Variants in RAB8B observed in about 807,000 individuals in gnomAD.
RAB8B encodes RAB8B, member RAS oncogene family.
Under a neutral mutation model 32.0 loss-of-function variants are expected in RAB8B, and 11 were observed. The observed-to-expected ratio is 0.34, with a 90% CI of 0.22 to 0.57. The LOEUF is 0.57. Ranked by LOEUF, RAB8B falls within the 20% of genes least tolerant of loss-of-function variation. The pLI is 0.86. For synonymous variants in RAB8B, 103 were observed against 89.6 expected, an observed-to-expected ratio of 1.15 and a Z score of -0.85; for missense variants, 190 against 258.5, an observed-to-expected ratio of 0.73 and a Z score of 1.82.
At chr15:63,213,051 C>T (rs1323901971) in intron 1 of RAB8B, among the ~76,000 whole-genome samples, 2 of 152,180 alleles carry the variant, frequency 1.3e-5, no homozygotes, top group Non-Finnish European at 2.9e-5. Flanking sequence ...CCCTCTCTTC[C>T]TCCCTTCTTT....
chr15:63,202,264 C>T (rs866724292), intron 1 of RAB8B, among the ~76,000 whole-genome samples: 17 of 144,628 alleles, frequency 1.2e-4, no homozygotes, highest in African/African-American at 3.6e-4. Context: ...GGCGACAGAG[C>T]GAGACTCCGT....
intron 7 of RAB8B, 114 bp downstream of exon 7, chr15:63,262,856 A>G (rs1454323057): frequency 1.2e-5 from 4 of 333,154 alleles, no homozygotes; most frequent in Non-Finnish European, 2.1e-5. Context: ...CCTGACTCAG[A>G]TACTCATTTG....
Position 63,248,117 on chromosome 15 carries a change from T to A in RAB8B, c.186-1528T>A, listed in dbSNP as rs1336418243. 6.6e-6 allele frequency among the ~76,000 whole-genome samples: 1 copy of A among 152,234 alleles called. No individual in the cohort carries two copies. Among genetic ancestry groups the A allele is most frequent in the Non-Finnish European group, 1.5e-5 (1 of 68,036 alleles). On this transcript the variant is annotated intron_variant, in intron 2 of 7. Transcript: ENST00000321437. The surrounding 1 kb of genome is among the most constrained non-coding windows in gnomAD (Gnocchi z 4.4). The stretch of plus-strand genomic sequence containing the variant: ...AGCGGTGCAGCAAACAAGTGCCCCA[T>A]GCATCTAATGCCGATCAAAGAAAAT...
Position 63,223,932 on chromosome 15 carries a change from A to G in RAB8B, c.125-20824A>G, listed in dbSNP as rs1232279478. The G allele has an allele frequency of 1.1e-5, 4 of 367,152 alleles. No individual in the cohort carries two copies. The East Asian group carries it at 2.2e-4, about 20-fold the overall frequency. 22.7% of individuals were successfully genotyped at this position (367,152 alleles called of 1,614,324 possible). On this transcript the variant is annotated intron_variant, in intron 1 of 7. Coordinates refer to ENST00000321437, the MANE Select transcript of RAB8B (RefSeq NM_016530.3). ...AATGAAGCAGTGTGATGTAGTGGAC[A>G]GAGTATTGGATTTGGAATCACTGTC...
At chr15:63,255,692 C>A in intron 4 of RAB8B, 108 bp downstream of exon 4, 2 of 842,918 alleles carry the variant, frequency 2.4e-6, no homozygotes, top group Non-Finnish European at 3.9e-6. Context: ...AGGGCATGGG[C>A]AGGTTGGGCC....
At chr15:63,251,476 A>G (rs187595150) in intron 3 of RAB8B, 265 of 344,094 alleles carry the variant, frequency 7.7e-4, no homozygotes, top group Admixed American at 2.6e-3. Flanking sequence ...TTAGAATATA[A>G]GAGTAAATGT....
chr15:63,253,788 T>C, intron 3 of RAB8B, among the ~76,000 whole-genome samples: 1 of 152,192 alleles, frequency 6.6e-6, no homozygotes, highest in East Asian at 1.9e-4. Flanking sequence ...GATTCTGGAA[T>C]ATTTAGGACA....
chr15:63,223,304 G>T (rs56068040), intron 1 of RAB8B, among the ~76,000 whole-genome samples: 57,781 of 151,692 alleles, frequency 0.38, 12,377 homozygotes, highest in Non-Finnish European at 0.5. Flanking sequence ...TAGAGACGGG[G>T]TTTCACTGTA....
At chr15:63,214,998 A>G (rs1045208821) in intron 1 of RAB8B, among the ~76,000 whole-genome samples, 8 of 152,160 alleles carry the variant, frequency 5.3e-5, no homozygotes, top group Non-Finnish European at 7.4e-5. Flanking sequence ...CAATCTTCAC[A>G]GGTTTCTGAT....
chr15:63,219,392 A>G (rs1051745253), intron 1 of RAB8B, among the ~76,000 whole-genome samples: 10 of 151,918 alleles, frequency 6.6e-5, no homozygotes, highest in South Asian at 6.2e-4. Context: ...AATGTTTTCA[A>G]TATGGGTTGC....
At chr15:63,204,689 C>T (rs1197807952) in intron 1 of RAB8B, among the ~76,000 whole-genome samples, 1 of 152,140 alleles carries the variant, frequency 6.6e-6, no homozygotes, top group Non-Finnish European at 1.5e-5. Context: ...GTTTTTCTTT[C>T]CCTAATAATC....
chr15:63,236,935 C>G (rs538602022), intron 1 of RAB8B, among the ~76,000 whole-genome samples: 2 of 152,304 alleles, frequency 1.3e-5, no homozygotes, highest in Admixed American at 6.5e-5. Flanking sequence ...TTCTTCTACT[C>G]TCTATCTCCA....
intron 1 of RAB8B, among the ~76,000 whole-genome samples, chr15:63,192,999 G>C (rs1208103404): frequency 6.6e-6 from 1 of 151,954 alleles, no homozygotes; most frequent in East Asian, 1.9e-4. Flanking sequence ...GAGGCAGGAA[G>C]ATCACTTGAG....
intron 6 of RAB8B, among the ~76,000 whole-genome samples, chr15:63,260,999 A>C (rs1471091000): frequency 6.6e-6 from 1 of 152,216 alleles, no homozygotes; most frequent in East Asian, 1.9e-4. Flanking sequence ...GGAAACAGGA[A>C]GCCTCTACTG....
chr15:63,203,073 C>T (rs1013879600), intron 1 of RAB8B, among the ~76,000 whole-genome samples: 4 of 152,148 alleles, frequency 2.6e-5, no homozygotes, highest in African/African-American at 9.7e-5. Flanking sequence ...CCACCAACAT[C>T]GGAGAGGAAA....
At position 63,201,229 on chromosome 15, in the gene RAB8B, A is replaced by G. The variant is rs139403072; in HGVS notation, c.124+11481A>G. Among the ~76,000 whole-genome samples the G allele has an allele frequency of 2.6e-3, 401 of 152,330 alleles. 3 individuals are homozygous for G. The highest frequency in any genetic ancestry group is 7.9e-3 in the African/African-American group (328 of 41,574). On this transcript the variant is annotated intron_variant, in intron 1 of 7. Transcript: ENST00000321437. ...TGAATACCCAGGCAATTTTAACACA[A>G]TGATGAAAAAGGCTACAAAGGAGTA...
At chr15:63,212,241 AAAAC>A (rs1364194629) in intron 1 of RAB8B, among the ~76,000 whole-genome samples, 5 of 152,216 alleles carry the variant, frequency 3.3e-5, no homozygotes, top group Non-Finnish European at 7.3e-5. Flanking sequence ...TTCGCAGCAA[AAAAC>A]AAACAACGAA....
chr15:63,219,437 G>A (rs2037824523), intron 1 of RAB8B, among the ~76,000 whole-genome samples: 1 of 149,802 alleles, frequency 6.7e-6, no homozygotes, highest in Non-Finnish European at 1.5e-5. Flanking sequence ...AATTTACTGT[G>A]TCCAGACCAA....
chr15:63,246,013 C>T (rs1280262550), intron 2 of RAB8B, among the ~76,000 whole-genome samples: 2 of 152,270 alleles, frequency 1.3e-5, no homozygotes, highest in East Asian at 1.9e-4. Flanking sequence ...GCTGGGATTA[C>T]AGGCATGCGC....
Sources: allele counts gnomAD v4.1 joint callset (sites outside exome capture counted in the v4.1 genomes callset), GRCh38; gene constraint gnomAD v4.1.1; non-coding constraint Gnocchi (gnomAD v3.1); transcripts MANE v1.5; gene names NCBI Gene and HGNC (gene_info 2026-07-23, HGNC 2026-07-21).